The following TMEM266 variants were observed in gnomAD, a reference collection of about 807,000 sequenced individuals.
TMEM266 encodes the protein Hv1 related protein 1.
Under a neutral mutation model 50.5 loss-of-function variants are expected in TMEM266, and 33 were observed. That is an observed-to-expected ratio of 0.65 (90% CI 0.50 to 0.87). The LOEUF (loss-of-function observed/expected upper bound fraction) is 0.87. Among genes scored for constraint, TMEM266 ranks in the 40% least tolerant of loss-of-function variants. The probability of loss-of-function intolerance (pLI) is 0.00; values close to 1 mark genes in which losing one functional copy is unlikely to be tolerated. For missense variants in TMEM266, 655 were observed against 695.1 expected (o/e 0.94, Z 0.65); for synonymous variants, 310 against 292.3 (o/e 1.06, Z -0.62).
intron 1 of TMEM266, among the ~76,000 whole-genome samples, chr15:76,080,397 A>G (rs1314613541): frequency 1.4e-5 from 2 of 146,526 alleles, no homozygotes; most frequent in Non-Finnish European, 3.0e-5. Flanking sequence ...GATTACAGGT[A>G]TGCACCACCA....
chr15:76,141,553 T>A (rs1408833595), intron 3 of TMEM266, among the ~76,000 whole-genome samples: 1 of 152,154 alleles, frequency 6.6e-6, no homozygotes, highest in Non-Finnish European at 1.5e-5. Flanking sequence ...TGTACTTTTT[T>A]AAAAAAGCAT....
chr15:76,183,898 A>G (rs1327748685), intron 8 of TMEM266, among the ~76,000 whole-genome samples: 2 of 152,090 alleles, frequency 1.3e-5, no homozygotes, highest in Non-Finnish European at 2.9e-5. Flanking sequence ...ACGTGGAGGA[A>G]CCGGAGCAGA....
At chr15:76,191,722 A>T (rs2038573419) in intron 8 of TMEM266, 2 of 449,110 alleles carry the variant, frequency 4.5e-6, no homozygotes, top group African/African-American at 2.1e-5. Context: ...GGCATCCGTG[A>T]GATGGGGGCC....
At chr15:76,196,172 G>A (rs1051908349) in intron 9 of TMEM266, among the ~76,000 whole-genome samples, 1 of 152,184 alleles carries the variant, frequency 6.6e-6, no homozygotes, top group Admixed American at 6.5e-5. Context: ...TCCCATAGAG[G>A]TGCCAGACAC....
chr15:76,093,711 C>T lies in TMEM266; in HGVS notation c.-97+33695C>T, dbSNP rs190074423. On this transcript the variant is annotated intron_variant, in intron 1 of 10. Coordinates refer to ENST00000388942, the MANE Select transcript of TMEM266 (RefSeq NM_152335.3). ...CACACTGTCTTCCACAATGGTTGAACTAATTTACACTCCCACCAACAGTGT... is the reference window on the plus strand; with the variant it reads ...CACACTGTCTTCCACAATGGTTGAATTAATTTACACTCCCACCAACAGTGT... Among the ~76,000 whole-genome samples, 248 of 150,300 alleles carry T rather than the reference C, an allele frequency of 1.7e-3. 4 individuals are homozygous for T. The highest frequency in any genetic ancestry group is 5.4e-3 in the African/African-American group (224 of 41,190).
chr15:76,158,191 T>G (rs1204270353), intron 4 of TMEM266, among the ~76,000 whole-genome samples: 3 of 152,056 alleles, frequency 2.0e-5, no homozygotes, highest in Admixed American at 2.0e-4. Flanking sequence ...CTGTCCAAGC[T>G]CCCTCCAAGT....
intron 1 of TMEM266, among the ~76,000 whole-genome samples, chr15:76,096,211 A>G (rs1476442102): frequency 6.6e-6 from 1 of 151,890 alleles, no homozygotes; most frequent in African/African-American, 2.4e-5. Context: ...TAAGGTGTTG[A>G]TTTTAGATAT....
chr15:76,201,232 G>T (rs973048203), intron 9 of TMEM266, among the ~76,000 whole-genome samples: 1 of 152,098 alleles, frequency 6.6e-6, no homozygotes, highest in Non-Finnish European at 1.5e-5. Context: ...AGACCATCCT[G>T]TGGCCCCTCA....
At chr15:76,132,319 C>T (rs921156187) in intron 1 of TMEM266, among the ~76,000 whole-genome samples, 6 of 151,680 alleles carry the variant, frequency 4.0e-5, no homozygotes, top group Admixed American at 6.6e-5. Flanking sequence ...CCGTGTTAGC[C>T]AGGATGGTCT....
intron 1 of TMEM266, among the ~76,000 whole-genome samples, chr15:76,089,021 G>A (rs2036812011): frequency 7.1e-6 from 1 of 140,182 alleles, no homozygotes; most frequent in Non-Finnish European, 1.5e-5. Flanking sequence ...TTGAACCTAG[G>A]AGACAGAGGT....
intron 1 of TMEM266, among the ~76,000 whole-genome samples, chr15:76,091,643 G>C (rs978222675): frequency 6.6e-6 from 1 of 151,890 alleles, no homozygotes; most frequent in Admixed American, 6.6e-5. Context: ...TCTGCTTCCT[G>C]TTTCTACTTT....
intron 1 of TMEM266, among the ~76,000 whole-genome samples, chr15:76,108,178 C>G (rs2037114577): frequency 6.6e-6 from 1 of 152,214 alleles, no homozygotes; most frequent in Non-Finnish European, 1.5e-5. Context: ...TGAGCCATTT[C>G]CCTGGCAGGA....
At chr15:76,142,590 A>T (rs911880672) in intron 3 of TMEM266, among the ~76,000 whole-genome samples, 1 of 152,120 alleles carries the variant, frequency 6.6e-6, no homozygotes, top group Admixed American at 6.5e-5. Flanking sequence ...CTTCACCAAC[A>T]CTGGCTATTT....
chr15:76,179,504 C>T (rs2142069506), intron 8 of TMEM266, among the ~76,000 whole-genome samples: 1 of 152,312 alleles, frequency 6.6e-6, no homozygotes, highest in Middle Eastern at 3.4e-3. Flanking sequence ...TTTTCCAGCC[C>T]ATCACGTTGA....
chr15:76,147,141 C>T (rs559507630), intron 3 of TMEM266, among the ~76,000 whole-genome samples: 3 of 152,282 alleles, frequency 2.0e-5, no homozygotes, highest in African/African-American at 4.8e-5. Flanking sequence ...AAGAGCTGCA[C>T]GGGAGGCCCC....
chr15:76,152,673 C>A (rs2037862196), intron 3 of TMEM266, among the ~76,000 whole-genome samples: 1 of 152,172 alleles, frequency 6.6e-6, no homozygotes, highest in Non-Finnish European at 1.5e-5. Context: ...CCCCTCACCC[C>A]CATCAGCTTT....
At chr15:76,198,699 G>A (rs1282119371) in intron 9 of TMEM266, among the ~76,000 whole-genome samples, 1 of 152,264 alleles carries the variant, frequency 6.6e-6, no homozygotes, top group Non-Finnish European at 1.5e-5. Flanking sequence ...CAGGGAGACA[G>A]TAAAATGTGG....
chr15:76,170,969 A>G (rs1431717558), intron 6 of TMEM266, 24 bp from the exon 7 acceptor site: 1 of 1,606,032 alleles, frequency 6.2e-7, no homozygotes, highest in East Asian at 2.2e-5. Context: ...GGCCCAGGGC[A>G]CTGAAATGGG....
At chr15:76,122,626 T>G (rs1297314072) in intron 1 of TMEM266, among the ~76,000 whole-genome samples, 1 of 152,168 alleles carries the variant, frequency 6.6e-6, no homozygotes, top group Non-Finnish European at 1.5e-5. Flanking sequence ...AAGATTTGCT[T>G]GATTGAAGGA....
Sources: gnomAD v4.1 joint callset for allele counts (sites outside exome capture counted in the v4.1 genomes callset) on GRCh38, gnomAD v4.1.1 for gene constraint, MANE v1.5 for transcripts, NCBI Gene and HGNC (gene_info 2026-07-23, HGNC 2026-07-21) for gene names.